Variants in RBPMS observed in about 807,000 individuals in gnomAD.
RBPMS encodes the protein RNA-binding protein with multiple splicing.
In RBPMS, 7 loss-of-function variants were observed where a neutral mutation model predicts 26.8. The observed-to-expected ratio is 0.26, with a 90% confidence interval of 0.15 to 0.49. The LOEUF (loss-of-function observed/expected upper bound fraction) is 0.49, where lower values mean the gene tolerates loss of function less well. Among genes scored for constraint, RBPMS ranks in the 20% least tolerant of loss-of-function variants. The probability of loss-of-function intolerance (pLI) is 0.98; values close to 1 mark genes in which losing one functional copy is unlikely to be tolerated. For synonymous variants in RBPMS, 96 were observed against 93.3 expected, an observed-to-expected ratio of 1.03 and a Z score of -0.17; for missense variants, 186 against 250.0, an observed-to-expected ratio of 0.74 and a Z score of 1.73.
intron 1 of RBPMS, among the ~76,000 whole-genome samples, chr8:30,460,338 A>G (rs186808455): frequency 1.1e-3 from 167 of 152,332 alleles, no homozygotes; most frequent in African/African-American, 3.7e-3. Context: ...CACTAATGTA[A>G]AATAGGTTGT....
intron 5 of RBPMS, among the ~76,000 whole-genome samples, chr8:30,526,701 G>A (rs1002281904): frequency 2.0e-5 from 3 of 152,158 alleles, no homozygotes; most frequent in Non-Finnish European, 4.4e-5. Flanking sequence ...CTTCATTCAG[G>A]AAATCATAAC....
At chr8:30,442,969 CAT>C (rs1297291037) in intron 1 of RBPMS, among the ~76,000 whole-genome samples, 3 of 152,196 alleles carry the variant, frequency 2.0e-5, no homozygotes, top group African/African-American at 7.2e-5. Flanking sequence ...ATTTACTTAT[CAT>C]AGCTTTTTAA....
At chr8:30,564,902 G>A (rs1461949854) in intron 7 of RBPMS, 1 of 152,146 alleles carries the variant, frequency 6.6e-6, no homozygotes, top group Non-Finnish European at 1.5e-5. Flanking sequence ...TATGCTCCTG[G>A]GGACATGGAG....
chr8:30,504,729 T>G (rs1475712704), intron 5 of RBPMS, among the ~76,000 whole-genome samples: 1 of 152,214 alleles, frequency 6.6e-6, no homozygotes, highest in Non-Finnish European at 1.5e-5. Flanking sequence ...CTAGTTGCCT[T>G]GGGTATAAAC....
At chr8:30,417,324 C>A (rs1375281401) in intron 1 of RBPMS, among the ~76,000 whole-genome samples, 1 of 151,990 alleles carries the variant, frequency 6.6e-6, no homozygotes, top group Non-Finnish European at 1.5e-5. Flanking sequence ...TTTCTTAGAG[C>A]CTTCATGGTG....
intron 6 of RBPMS, among the ~76,000 whole-genome samples, chr8:30,557,371 T>G (rs1447476389): frequency 6.6e-6 from 1 of 152,088 alleles, no homozygotes; most frequent in Non-Finnish European, 1.5e-5. Flanking sequence ...TTTCTAGACA[T>G]CCCTGCTTTT....
chr8:30,496,879 A>G (rs1192397710), intron 4 of RBPMS, among the ~76,000 whole-genome samples: 2 of 152,206 alleles, frequency 1.3e-5, no homozygotes, highest in Admixed American at 6.5e-5. Context: ...TCAGGCTCCA[A>G]CTGAGCGTAA....
chr8:30,424,784 G>A (rs1174993539), intron 1 of RBPMS, among the ~76,000 whole-genome samples: 3 of 152,134 alleles, frequency 2.0e-5, no homozygotes, highest in African/African-American at 7.2e-5. Context: ...TAAAAGCGGT[G>A]CTCAGTGATC....
chr8:30,456,138 G>A (rs1044853225), intron 1 of RBPMS, among the ~76,000 whole-genome samples: 1 of 152,132 alleles, frequency 6.6e-6, no homozygotes, highest in Non-Finnish European at 1.5e-5. Context: ...AACTAGATGT[G>A]TGTCTTTCTG....
At chr8:30,446,863 G>C (rs1487943844) in intron 1 of RBPMS, 1 of 151,072 alleles carries the variant, frequency 6.6e-6, no homozygotes, top group African/African-American at 2.5e-5. Flanking sequence ...GCGCGCGGTG[G>C]AGGGTAGTGG....
At chr8:30,549,660 A>C in intron 6 of RBPMS, 1 of 1,115,246 alleles carries the variant, frequency 9.0e-7, no homozygotes, top group Non-Finnish European at 1.4e-6. Context: ...CCTCATGCTC[A>C]CAGCGCCAGC....
intron 1 of RBPMS, among the ~76,000 whole-genome samples, chr8:30,432,869 G>A (rs561786360): frequency 1.3e-5 from 2 of 152,292 alleles, no homozygotes; most frequent in South Asian, 4.1e-4. Flanking sequence ...GCAACATAAG[G>A]AAGCAACAAA....
chr8:30,499,746 T>G (rs1820353978), intron 4 of RBPMS, among the ~76,000 whole-genome samples: 1 of 152,234 alleles, frequency 6.6e-6, no homozygotes, highest in African/African-American at 2.4e-5. Flanking sequence ...AAGTGCTGTG[T>G]GATTCTGGAT....
intron 1 of RBPMS, among the ~76,000 whole-genome samples, chr8:30,408,983 A>G (rs1022991991): frequency 3.9e-5 from 6 of 152,174 alleles, no homozygotes; most frequent in African/African-American, 1.4e-4. Context: ...TTCACTTAGC[A>G]TCATGTTTTC....
rs1156345228 is a variant in RBPMS, at chr8:30,560,448, A to G, written c.*7+1492A>G. ...GTCATAGCCCAGCAGCCACCTGGCC[A>G]TTCACAGCTCTTTCTCTGATGGCAG... On this transcript the variant is annotated intron_variant, in intron 7 of 8. Transcript: ENST00000397323. Among the ~76,000 whole-genome samples the G allele has an allele frequency of 3.9e-5, 6 of 152,206 alleles. No individual in the cohort carries two copies. In the South Asian group the frequency reaches 6.2e-4, roughly 16 times the overall value.
At chr8:30,495,349 C>T (rs992995098) in intron 4 of RBPMS, among the ~76,000 whole-genome samples, 3 of 150,480 alleles carry the variant, frequency 2.0e-5, no homozygotes, top group African/African-American at 7.4e-5. Flanking sequence ...GGTAACCTAA[C>T]ACTTCCTGGA....
intron 6 of RBPMS, chr8:30,545,573 T>C (rs994909051): frequency 7.5e-6 from 3 of 398,372 alleles, no homozygotes; most frequent in African/African-American, 4.4e-5. Flanking sequence ...TTTGCCTGTT[T>C]TGCTCAGTGT....
intron 7 of RBPMS, among the ~76,000 whole-genome samples, chr8:30,562,615 A>G (rs1827593663): frequency 6.6e-6 from 1 of 152,206 alleles, no homozygotes; most frequent in African/African-American, 2.4e-5. Context: ...TCTTAGGCAA[A>G]TGTAAATTAG....
intron 4 of RBPMS, among the ~76,000 whole-genome samples, chr8:30,500,144 T>C (rs1374855105): frequency 6.6e-6 from 1 of 152,194 alleles, no homozygotes; most frequent in African/African-American, 2.4e-5. Flanking sequence ...TTATACATAG[T>C]TGTAAAAATT....
Sources: gnomAD v4.1 joint callset for allele counts (sites outside exome capture counted in the v4.1 genomes callset) on GRCh38, gnomAD v4.1.1 for gene constraint, MANE v1.5 for transcripts, NCBI Gene and HGNC (gene_info 2026-07-23, HGNC 2026-07-21) for gene names.